Variants in GFOD1 observed in about 807,000 individuals in gnomAD.
The protein encoded by GFOD1 is Gfo/Idh/MocA-like oxidoreductase domain containing 1.
GFOD1 carries 9 observed loss-of-function variants against 25.4 expected under a neutral mutation model. The ratio of observed to expected loss-of-function variants is 0.35; its 90% CI spans 0.21 to 0.62. The LOEUF is 0.62. GFOD1 is among the 20% of genes least tolerant of loss of function. The pLI is 0.72. For missense variants in GFOD1, 403 were observed against 556.9 expected, an observed-to-expected ratio of 0.72 and a Z score of 2.78; for synonymous variants, 253 against 245.6, an observed-to-expected ratio of 1.03 and a Z score of -0.28.
At chr6:13,437,217 T>G (rs780678813) in intron 1 of GFOD1, among the ~76,000 whole-genome samples, 1 of 152,160 alleles carries the variant, frequency 6.6e-6, no homozygotes, top group Non-Finnish European at 1.5e-5. Flanking sequence ...ATTGGGTTTC[T>G]GCCTCTCCCT....
rs1195376515 is a variant in GFOD1, at chr6:13,358,616, G to A, written c.*6127C>T. The A allele has an allele frequency of 1.3e-5, 2 of 152,206 alleles. No homozygotes were observed. The highest frequency in any genetic ancestry group is 4.8e-5 in the African/African-American group (2 of 41,438). 9.4% of individuals were successfully genotyped at this position (152,206 alleles called of 1,614,324 possible). On this transcript the variant is annotated 3_prime_UTR_variant, in exon 2 of 2. Transcript: ENST00000379287. ...TGTTTTGTTTCTTAGCCTGGGATTA[G>A]ACCAAGAATCACAAGTAAGTCATTG...
At chr6:13,464,269 G>C (rs1309461382) in intron 1 of GFOD1, among the ~76,000 whole-genome samples, 1 of 152,182 alleles carries the variant, frequency 6.6e-6, no homozygotes. Flanking sequence ...GGCTCCAGAC[G>C]TTCATCTGGG....
chr6:13,415,143 G>C (rs183694138), intron 1 of GFOD1, among the ~76,000 whole-genome samples: 1 of 152,116 alleles, frequency 6.6e-6, no homozygotes, highest in African/African-American at 2.4e-5. Flanking sequence ...CCCAGCACTC[G>C]TGCCCTGTCT....
intron 1 of GFOD1, among the ~76,000 whole-genome samples, chr6:13,373,646 T>C (rs1401564586): frequency 6.6e-6 from 1 of 151,806 alleles, no homozygotes; most frequent in Non-Finnish European, 1.5e-5. Context: ...ATTTAGTCAC[T>C]TTCACTCTCT....
At chr6:13,450,700 C>T (rs1758081771) in intron 1 of GFOD1, among the ~76,000 whole-genome samples, 1 of 152,162 alleles carries the variant, frequency 6.6e-6, no homozygotes, top group Non-Finnish European at 1.5e-5. Context: ...TGTAGGCAGC[C>T]TCTGCCTACC....
chr6:13,463,930 A>G (rs978935081), intron 1 of GFOD1, among the ~76,000 whole-genome samples: 5 of 152,138 alleles, frequency 3.3e-5, no homozygotes, highest in African/African-American at 1.2e-4. Context: ...ATTTAAACAA[A>G]TCCTACCTGC....
chr6:13,470,245 C>T (rs150464914), intron 1 of GFOD1: 32 of 1,595,242 alleles, frequency 2.0e-5, no homozygotes, highest in East Asian at 4.5e-5. Context: ...GGGCAATTGC[C>T]GGCTCATGAA....
intron 1 of GFOD1, among the ~76,000 whole-genome samples, chr6:13,447,697 T>C (rs1758025468): frequency 8.6e-6 from 1 of 115,818 alleles, no homozygotes; most frequent in Non-Finnish European, 1.6e-5. Context: ...GCTGAGATCG[T>C]GCAATTGCAC....
chr6:13,458,509 C>T (rs924976803), intron 1 of GFOD1, among the ~76,000 whole-genome samples: 3 of 152,004 alleles, frequency 2.0e-5, no homozygotes, highest in Admixed American at 1.3e-4. Flanking sequence ...CAGGTGATCT[C>T]GCATGGTGGA....
chr6:13,485,803 G>A (rs753837886), intron 1 of GFOD1, among the ~76,000 whole-genome samples: 16 of 152,142 alleles, frequency 1.1e-4, no homozygotes, highest in South Asian at 1.0e-3. Flanking sequence ...CTCATGCAAA[G>A]CATCCATGCC....
intron 1 of GFOD1, among the ~76,000 whole-genome samples, chr6:13,480,939 A>T (rs1758737006): frequency 1.3e-5 from 2 of 152,346 alleles, no homozygotes; most frequent in South Asian, 4.1e-4. Flanking sequence ...GCATACATGT[A>T]TTCAGTGAAA....
At chr6:13,453,541 G>A (rs1758134949) in intron 1 of GFOD1, among the ~76,000 whole-genome samples, 2 of 152,144 alleles carry the variant, frequency 1.3e-5, no homozygotes, top group African/African-American at 4.8e-5. Context: ...AAATTCAGGT[G>A]GCAATGTCCT....
Position 13,366,476 on chromosome 6 carries a change from C to T in GFOD1, c.254-814G>A, listed in dbSNP as rs187869431. Among the ~76,000 whole-genome samples the T allele has an allele frequency of 4.7e-3, 720 of 152,324 alleles. 3 individuals are homozygous for T. The highest frequency in any genetic ancestry group is 6.3e-3 in the Non-Finnish European group (428 of 68,032). On this transcript the variant is annotated intron_variant, in intron 1 of 1. Transcript: ENST00000379287. ...TCAGCCTCCCGAGTAGTTGAGATTA[C>T]AGGCGCCCGCCACCATGCCCAGCTA...
rs1447544688 is a variant in GFOD1 at position 13,428,690 on chromosome 6, C to A, written c.253+57948G>T. 4.6e-5 allele frequency among the ~76,000 whole-genome samples: 4 copies of A among 87,894 alleles called. No homozygotes were observed. The Admixed American group carries it at 5.7e-4, about 12-fold the overall frequency. The allele number at this position is 87,894 out of a possible 152,430, so 57.7% of individuals were successfully genotyped here. A position where few individuals can be genotyped will look rare whatever the true frequency, so the allele number is the denominator to read the frequency against. On this transcript the variant is annotated intron_variant, in intron 1 of 1. Coordinates refer to ENST00000379287, the MANE Select transcript of GFOD1 (RefSeq NM_018988.4). ...CAAAAAAGCCTTCCCTGAGGGAGTC[C>A]AGGCCCCCTCCCAGGGCGGGCGGCA...
At chr6:13,397,301 A>C (rs558738421) in intron 1 of GFOD1, among the ~76,000 whole-genome samples, 1 of 152,358 alleles carries the variant, frequency 6.6e-6, no homozygotes, top group South Asian at 2.1e-4. Flanking sequence ...CCACTCCTAG[A>C]AATTTACCAA....
chr6:13,405,009 C>T (rs1204213280), intron 1 of GFOD1, among the ~76,000 whole-genome samples: 2 of 152,182 alleles, frequency 1.3e-5, no homozygotes, highest in African/African-American at 2.4e-5. Flanking sequence ...CTATCCTCAA[C>T]CCCATCTCAC....
intron 1 of GFOD1, among the ~76,000 whole-genome samples, chr6:13,392,958 G>A (rs521835): frequency 0.95 from 144,770 of 152,070 alleles, 69,357 homozygotes; most frequent in East Asian, 1. Flanking sequence ...GCCACTTGGG[G>A]GGCTGAGGCA....
chr6:13,418,127 C>T (rs1786192639), intron 1 of GFOD1, among the ~76,000 whole-genome samples: 1 of 152,200 alleles, frequency 6.6e-6, no homozygotes, highest in Non-Finnish European at 1.5e-5. Context: ...TCTGACCTGG[C>T]CTCAGCCCCA....
chr6:13,368,205 G>A (rs1394375796), intron 1 of GFOD1, among the ~76,000 whole-genome samples: 1 of 152,204 alleles, frequency 6.6e-6, no homozygotes, highest in Non-Finnish European at 1.5e-5. Flanking sequence ...CAGTTTCCAC[G>A]TGCACATCTA....
Sources: gnomAD v4.1 joint callset for allele counts (sites outside exome capture counted in the v4.1 genomes callset) on GRCh38, gnomAD v4.1.1 for gene constraint, MANE v1.5 for transcripts, NCBI Gene and HGNC (gene_info 2026-07-23, HGNC 2026-07-21) for gene names.